Variants in LINGO2 observed in about 807,000 individuals in gnomAD.
The protein encoded by LINGO2 is leucine rich repeat and Ig domain containing 2.
A neutral mutation model predicts 30.6 loss-of-function variants in LINGO2; 14 were observed. That is an observed-to-expected ratio of 0.46 (90% CI 0.30 to 0.72). LINGO2 has a LOEUF of 0.72. Among genes scored for constraint, LINGO2 ranks in the 30% least tolerant of loss-of-function variants. The pLI, the probability that LINGO2 is intolerant of heterozygous loss-of-function variation, is 0.07. For synonymous variants in LINGO2, 317 were observed against 288.5 expected, an observed-to-expected ratio of 1.10 and a Z score of -1.00; for missense variants, 729 against 751.7, an observed-to-expected ratio of 0.97 and a Z score of 0.35.
At chr9:27,939,713 A>C in the LINGO2 span, 1 of 152,232 alleles carries the variant, frequency 6.6e-6, no homozygotes, top group Admixed American at 6.5e-5. Flanking sequence ...TCTTTTGTAC[A>C]TCCAGCTAAT....
the LINGO2 span, among the ~76,000 whole-genome samples, chr9:29,138,085 C>A: frequency 1.3e-5 from 2 of 151,648 alleles, no homozygotes; most frequent in East Asian, 1.9e-4. Context: ...AAGCCAATTA[C>A]GGATTATACT....
At chr9:28,680,391 T>C in the LINGO2 span, among the ~76,000 whole-genome samples, 2 of 152,242 alleles carry the variant, frequency 1.3e-5, no homozygotes, top group East Asian at 1.9e-4. Context: ...ATTCCATATC[T>C]TGGCCATTGT....
At chr9:29,130,744 A>T in the LINGO2 span, among the ~76,000 whole-genome samples, 1 of 150,780 alleles carries the variant, frequency 6.6e-6, no homozygotes, top group South Asian at 2.1e-4. Context: ...AAATCAGGCC[A>T]GGAGATAAGG....
chr9:27,991,566 G>A (rs112445742), intron 5 of LINGO2, among the ~76,000 whole-genome samples: 1 of 151,988 alleles, frequency 6.6e-6, no homozygotes, highest in Non-Finnish European at 1.5e-5. Flanking sequence ...GGAGGTGGTT[G>A]CCCCCAAAAA....
At chr9:29,105,533 G>A in the LINGO2 span, among the ~76,000 whole-genome samples, 1 of 152,142 alleles carries the variant, frequency 6.6e-6, no homozygotes, top group Non-Finnish European at 1.5e-5. Context: ...GATAGACCGT[G>A]TCCTTTGTTA....
chr9:28,629,201 G>A (rs1196346165), intron 1 of LINGO2, among the ~76,000 whole-genome samples: 14 of 151,968 alleles, frequency 9.2e-5, no homozygotes, highest in Admixed American at 9.2e-4. Flanking sequence ...AGGAGCAGAT[G>A]GGTGATGTGC....
chr9:28,476,081 T>C (rs1450184033), intron 1 of LINGO2, 56 bp from the exon 4 acceptor site: 3 of 152,560 alleles, frequency 2.0e-5, no homozygotes, highest in Admixed American at 6.5e-5. Context: ...TCAAGAAGGA[T>C]TTTACTATAT....
the LINGO2 span, among the ~76,000 whole-genome samples, chr9:28,798,836 T>A: frequency 6.6e-6 from 1 of 152,032 alleles, no homozygotes; most frequent in Non-Finnish European, 1.5e-5. Flanking sequence ...TGAATGAATA[T>A]TGATTGTAAG....
At chr9:28,583,175 T>A (rs185585021) in intron 1 of LINGO2, among the ~76,000 whole-genome samples, 1 of 152,104 alleles carries the variant, frequency 6.6e-6, no homozygotes, top group Non-Finnish European at 1.5e-5. Flanking sequence ...GAAAAGTGAT[T>A]AATATTAAAA....
intron 4 of LINGO2, among the ~76,000 whole-genome samples, chr9:28,224,291 C>G (rs1309357833): frequency 6.6e-6 from 1 of 152,182 alleles, no homozygotes; most frequent in African/African-American, 2.4e-5. Context: ...GTCTCGATCT[C>G]CTGACCTCGT....
intron 4 of LINGO2, among the ~76,000 whole-genome samples, chr9:28,037,557 C>T (rs1405726089): frequency 6.6e-6 from 1 of 151,988 alleles, no homozygotes; most frequent in Non-Finnish European, 1.5e-5. Context: ...CTTTTTTATT[C>T]TTGCTGTTTC....
chr9:28,966,593 T>C, the LINGO2 span, among the ~76,000 whole-genome samples: 4 of 152,136 alleles, frequency 2.6e-5, no homozygotes, highest in East Asian at 5.8e-4. Context: ...CACAAGTATA[T>C]AGAGATACCA....
At chr9:28,197,335 A>G (rs1179623824) in intron 4 of LINGO2, among the ~76,000 whole-genome samples, 1 of 151,934 alleles carries the variant, frequency 6.6e-6, no homozygotes. Flanking sequence ...ACACAACATT[A>G]AAATATGTTA....
chr9:28,819,720 G>A, the LINGO2 span, among the ~76,000 whole-genome samples: 1 of 152,120 alleles, frequency 6.6e-6, no homozygotes, highest in African/African-American at 2.4e-5. Context: ...AGGTCCTGTG[G>A]CAGAGCACGT....
chr9:28,713,194 A>AT, the LINGO2 span, among the ~76,000 whole-genome samples: 1 of 152,010 alleles, frequency 6.6e-6, no homozygotes, highest in Non-Finnish European at 1.5e-5. Context: ...TTCAATACTT[A>AT]TTTTTTTAGG....
chr9:28,490,850 T>C (rs1826367386), intron 1 of LINGO2, among the ~76,000 whole-genome samples: 2 of 152,186 alleles, frequency 1.3e-5, no homozygotes, highest in Non-Finnish European at 2.9e-5. Flanking sequence ...ATAATTTCAC[T>C]TCAAGAAAAC....
chr9:28,898,516 C>T, the LINGO2 span, among the ~76,000 whole-genome samples: 3 of 152,128 alleles, frequency 2.0e-5, no homozygotes, highest in African/African-American at 7.2e-5. Context: ...GGTTTTCCGT[C>T]AGCCAGATTT....
the LINGO2 span, among the ~76,000 whole-genome samples, chr9:28,969,704 A>G: frequency 6.6e-6 from 1 of 152,154 alleles, no homozygotes; most frequent in Non-Finnish European, 1.5e-5. Context: ...TTCCAAGAAG[A>G]ACTAGAAGGA....
At chr9:27,955,509 G>C (rs1185820957) in intron 5 of LINGO2, among the ~76,000 whole-genome samples, 2 of 152,102 alleles carry the variant, frequency 1.3e-5, no homozygotes, top group African/African-American at 4.8e-5. Context: ...GATCTGCATT[G>C]TCACTATAGA....
Sources: allele counts gnomAD v4.1 joint callset (sites outside exome capture counted in the v4.1 genomes callset), GRCh38; gene constraint gnomAD v4.1.1; transcripts MANE v1.5; gene names NCBI Gene and HGNC (gene_info 2026-07-23, HGNC 2026-07-21).